C10orf90: variants seen among roughly 807,000 people sequenced by gnomAD.
The protein encoded by C10orf90 is chromosome 10 open reading frame 90.
C10orf90 carries 56 observed loss-of-function variants against 62.5 expected under a neutral mutation model. The ratio of observed to expected loss-of-function variants is 0.90; its 90% confidence interval spans 0.72 to 1.12. The LOEUF (loss-of-function observed/expected upper bound fraction) is 1.12. Ranked by LOEUF, C10orf90 falls within the 50% of genes most tolerant of loss-of-function variation. C10orf90 has a pLI of 0.00. For missense variants in C10orf90, 970 were observed against 880.4 expected (o/e 1.10, Z -1.29); for synonymous variants, 386 against 340.4 (o/e 1.13, Z -1.47).
intron 2 of C10orf90, among the ~76,000 whole-genome samples, chr10:126,527,258 G>A (rs534966112): frequency 6.6e-6 from 1 of 152,258 alleles, no homozygotes; most frequent in African/African-American, 2.4e-5. Flanking sequence ...CCATTCCAGC[G>A]GGTGTGAAGT....
chr10:126,663,605 C>T (rs80015662), intron 1 of C10orf90, among the ~76,000 whole-genome samples: 13,606 of 152,188 alleles, frequency 0.089, 687 homozygotes, highest in South Asian at 0.16. Flanking sequence ...GTGGTCCTGG[C>T]TTCCACACTG....
intron 2 of C10orf90, among the ~76,000 whole-genome samples, chr10:126,617,140 A>G (rs1845556595): frequency 6.6e-6 from 1 of 152,094 alleles, no homozygotes; most frequent in African/African-American, 2.4e-5. Flanking sequence ...AAATATACAC[A>G]TTTCTCTGTG....
At chr10:126,652,109 T>C (rs1846302548) in intron 1 of C10orf90, among the ~76,000 whole-genome samples, 1 of 152,220 alleles carries the variant, frequency 6.6e-6, no homozygotes, top group South Asian at 2.1e-4. Flanking sequence ...CAATAATTAA[T>C]GTCAGATCAG....
chr10:126,570,084 C>T (rs1278229381), intron 2 of C10orf90, among the ~76,000 whole-genome samples: 1 of 152,160 alleles, frequency 6.6e-6, no homozygotes, highest in Non-Finnish European at 1.5e-5. Flanking sequence ...AAATGCTCTG[C>T]GGGTGCTGGT....
chr10:126,627,082 C>A (rs1198162466), intron 2 of C10orf90, among the ~76,000 whole-genome samples: 1 of 149,040 alleles, frequency 6.7e-6, no homozygotes, highest in Non-Finnish European at 1.5e-5. Context: ...TCGCTGCAAC[C>A]TCCGCATCCT....
At chr10:126,592,211 T>C (rs1421013428) in intron 2 of C10orf90, among the ~76,000 whole-genome samples, 1 of 152,104 alleles carries the variant, frequency 6.6e-6, no homozygotes, top group Non-Finnish European at 1.5e-5. Flanking sequence ...AAAATTCATA[T>C]GGAAACAAAA....
At chr10:126,478,460 C>T (rs144170471) in intron 4 of C10orf90, among the ~76,000 whole-genome samples, 5 of 152,268 alleles carry the variant, frequency 3.3e-5, no homozygotes, top group East Asian at 1.9e-4. Context: ...AGCTAAGGCA[C>T]GACTTTAAAC....
chr10:126,496,080 T>C (rs1433878624), intron 4 of C10orf90, among the ~76,000 whole-genome samples: 2 of 152,222 alleles, frequency 1.3e-5, no homozygotes, highest in African/African-American at 4.8e-5. Context: ...TATAGACAGT[T>C]GCTCTGCAAT....
chr10:126,620,576 T>C (rs1302270942), intron 2 of C10orf90, among the ~76,000 whole-genome samples: 1 of 152,242 alleles, frequency 6.6e-6, no homozygotes, highest in Non-Finnish European at 1.5e-5. Flanking sequence ...TTTGAAACTT[T>C]TATTTGTATT....
At chr10:126,465,468 C>A (rs1381703032) in intron 4 of C10orf90, among the ~76,000 whole-genome samples, 1 of 151,436 alleles carries the variant, frequency 6.6e-6, no homozygotes, top group Non-Finnish European at 1.5e-5. Context: ...ATATAAATCT[C>A]AAATATGAAA....
chr10:126,426,151 C>T, intron 8 of C10orf90, 61 bp from the exon 9 acceptor site: 1 of 1,345,098 alleles, frequency 7.4e-7, no homozygotes, highest in Non-Finnish European at 1.1e-6. Context: ...CGCTGTGGGG[C>T]TGCATCCTGT....
intron 4 of C10orf90, among the ~76,000 whole-genome samples, chr10:126,489,245 C>T (rs936343694): frequency 6.6e-6 from 1 of 151,968 alleles, no homozygotes; most frequent in African/African-American, 2.4e-5. Flanking sequence ...TGTAATTCCC[C>T]ATATTTATAA....
intron 4 of C10orf90, chr10:126,469,997 G>A (rs550793084): frequency 2.0e-5 from 9 of 456,674 alleles, no homozygotes; most frequent in Non-Finnish European, 4.0e-5. Context: ...TCTTCTGCAT[G>A]TTGTGTCCTG....
chr10:126,446,505 A>G (rs921264355), intron 7 of C10orf90, among the ~76,000 whole-genome samples: 1 of 152,156 alleles, frequency 6.6e-6, no homozygotes, highest in Non-Finnish European at 1.5e-5. Flanking sequence ...GGGGAAAAAA[A>G]TCTGTCAACC....
chr10:126,643,350 G>A (rs1005257578), intron 2 of C10orf90, among the ~76,000 whole-genome samples: 2 of 152,168 alleles, frequency 1.3e-5, no homozygotes, highest in African/African-American at 4.8e-5. Context: ...ATGAAGAGGG[G>A]TTTAAAACAT....
At chr10:126,503,891 A>G (rs1862542423) in intron 4 of C10orf90, 66 bp downstream of exon 4, 1 of 1,526,788 alleles carries the variant, frequency 6.5e-7, no homozygotes, top group Middle Eastern at 2.5e-4. Context: ...TAAGAAATTC[A>G]CTCAACAGTC....
At chr10:126,441,981 G>A (rs1377749968) in intron 7 of C10orf90, among the ~76,000 whole-genome samples, 5 of 151,568 alleles carry the variant, frequency 3.3e-5, no homozygotes, top group African/African-American at 7.3e-5. Context: ...AATTTTAAAA[G>A]CAAAAACAAA....
chr10:126,653,014 T>C (rs1213093808), intron 1 of C10orf90, among the ~76,000 whole-genome samples: 1 of 152,196 alleles, frequency 6.6e-6, no homozygotes, highest in African/African-American at 2.4e-5. Flanking sequence ...ATTAAAGGTG[T>C]ATTATGTCAA....
At chr10:126,616,235 T>C (rs1460616880) in intron 2 of C10orf90, among the ~76,000 whole-genome samples, 1 of 152,204 alleles carries the variant, frequency 6.6e-6, no homozygotes, top group Non-Finnish European at 1.5e-5. Flanking sequence ...CTCGTATTTA[T>C]TGAACATAAT....
Sources: gnomAD v4.1 joint callset for allele counts (sites outside exome capture counted in the v4.1 genomes callset) on GRCh38, gnomAD v4.1.1 for gene constraint, MANE v1.5 for transcripts, NCBI Gene and HGNC (gene_info 2026-07-23, HGNC 2026-07-21) for gene names.